Variants in GPHN observed in about 807,000 individuals in gnomAD.
GPHN encodes gephyrin.
In GPHN, 17 loss-of-function variants were observed where a neutral mutation model predicts 95.5. That is an observed-to-expected ratio of 0.18 (90% CI 0.12 to 0.27). The LOEUF (loss-of-function observed/expected upper bound fraction) is 0.27, where lower values mean the gene tolerates loss of function less well. GPHN is among the 10% of genes least tolerant of loss of function. The pLI, the probability that GPHN is intolerant of heterozygous loss-of-function variation, is 1.00. For missense variants in GPHN, 660 were observed against 978.1 expected (o/e 0.67, Z 4.34); for synonymous variants, 320 against 322.5 (o/e 0.99, Z 0.08).
chr14:67,656,683 A>G, the GPHN span: 1 of 1,312,290 alleles, frequency 7.6e-7, no homozygotes, highest in Non-Finnish European at 1.0e-6. Context: ...TAGAAGGGAT[A>G]TAGTGAGCAA....
chr14:66,585,410 T>G (rs2061379478), intron 1 of GPHN, among the ~76,000 whole-genome samples: 1 of 152,162 alleles, frequency 6.6e-6, no homozygotes, highest in Non-Finnish European at 1.5e-5. Context: ...CTGATCTTAT[T>G]TATTTCTTGC....
chr14:66,786,447 A>T (rs142845962), intron 3 of GPHN, among the ~76,000 whole-genome samples: 12 of 152,162 alleles, frequency 7.9e-5, no homozygotes, highest in African/African-American at 2.9e-4. Flanking sequence ...TTCACTGGAG[A>T]ATTCTACCAA....
chr14:67,045,447 GTCTCTGTCTC>G (rs1306344701), intron 10 of GPHN, among the ~76,000 whole-genome samples: 2 of 146,804 alleles, frequency 1.4e-5, no homozygotes, highest in African/African-American at 5.1e-5. Context: ...GTCTCTCTCT[GTCTCTGTCTC>G]TCTCTGTCTC....
At chr14:67,500,458 A>G in the GPHN span, among the ~76,000 whole-genome samples, 1 of 152,152 alleles carries the variant, frequency 6.6e-6, no homozygotes, top group South Asian at 2.1e-4. Context: ...CAGGGCAACA[A>G]GAGTGACACT....
intron 9 of GPHN, among the ~76,000 whole-genome samples, chr14:67,007,477 T>A (rs1222166622): frequency 6.6e-6 from 1 of 152,236 alleles, no homozygotes; most frequent in Non-Finnish European, 1.5e-5. Flanking sequence ...ATATCAAGTT[T>A]ATCTATAACT....
chr14:67,633,503 C>T, the GPHN span, among the ~76,000 whole-genome samples: 2 of 152,304 alleles, frequency 1.3e-5, no homozygotes, highest in South Asian at 4.1e-4. Flanking sequence ...GTCAACATAT[C>T]CCAAACTGAC....
At chr14:67,406,381 T>C in the GPHN span, among the ~76,000 whole-genome samples, 2 of 152,132 alleles carry the variant, frequency 1.3e-5, no homozygotes, top group African/African-American at 4.8e-5. Context: ...GTTAGGTACA[T>C]TCCCAGGAGT....
chr14:67,343,279 C>A, the GPHN span: 1 of 890,190 alleles, frequency 1.1e-6, no homozygotes, highest in African/African-American at 1.7e-5. Flanking sequence ...ATTCATCTTT[C>A]AGTCTTCAGT....
intron 11 of GPHN, among the ~76,000 whole-genome samples, 198 bp from the exon 12 acceptor site, chr14:67,088,785 T>G (rs996003934): frequency 6.6e-6 from 1 of 152,204 alleles, no homozygotes; most frequent in Non-Finnish European, 1.5e-5. Flanking sequence ...TTGCCATGAA[T>G]TGACTGAGTA....
the GPHN span, chr14:67,392,720 A>G: frequency 6.2e-7 from 1 of 1,614,194 alleles, no homozygotes; most frequent in South Asian, 1.1e-5. Flanking sequence ...CCCAGAGCGA[A>G]TGGCTCCCAT....
At chr14:66,694,273 A>T (rs1038997387) in intron 2 of GPHN, among the ~76,000 whole-genome samples, 1 of 152,128 alleles carries the variant, frequency 6.6e-6, no homozygotes, top group East Asian at 1.9e-4. Flanking sequence ...ACATCTATCA[A>T]TCAGGAAGTA....
At chr14:67,167,937 T>G (rs546151125) in intron 20 of GPHN, among the ~76,000 whole-genome samples, 2 of 152,314 alleles carry the variant, frequency 1.3e-5, no homozygotes, top group African/African-American at 4.8e-5. Flanking sequence ...CCACCCTTCC[T>G]CCTTTGAAGT....
intron 2 of GPHN, among the ~76,000 whole-genome samples, chr14:66,743,572 T>TAA (rs201025629): frequency 3.3e-5 from 5 of 150,548 alleles, no homozygotes; most frequent in Non-Finnish European, 7.4e-5. Context: ...CCTTCTCTAG[T>TAA]AAAAAAAAAT....
chr14:66,582,077 A>G (rs2061203224), intron 1 of GPHN, among the ~76,000 whole-genome samples: 1 of 152,080 alleles, frequency 6.6e-6, no homozygotes, highest in African/African-American at 2.4e-5. Context: ...CAGTAGCAGA[A>G]TCCACATTTT....
At chr14:66,749,686 G>C (rs1336171775) in intron 2 of GPHN, among the ~76,000 whole-genome samples, 1 of 151,852 alleles carries the variant, frequency 6.6e-6, no homozygotes, top group East Asian at 1.9e-4. Flanking sequence ...TTTTTCAATA[G>C]AGTTGTTCAT....
chr14:66,755,111 A>G (rs762621745), intron 2 of GPHN, among the ~76,000 whole-genome samples: 8 of 152,018 alleles, frequency 5.3e-5, no homozygotes, highest in Non-Finnish European at 1.0e-4. Flanking sequence ...AAACAATGCT[A>G]TTGGCTGGTG....
At chr14:67,314,979 G>A in the GPHN span, among the ~76,000 whole-genome samples, 3 of 152,002 alleles carry the variant, frequency 2.0e-5, no homozygotes, top group East Asian at 1.9e-4. Flanking sequence ...ATGGTGGTGC[G>A]TACCTGTAGT....
chr14:67,079,128 A>G (rs933650407), intron 11 of GPHN, among the ~76,000 whole-genome samples: 1 of 152,100 alleles, frequency 6.6e-6, no homozygotes, highest in Non-Finnish European at 1.5e-5. Context: ...TGCTATAAAT[A>G]TGACTTTCCT....
intron 1 of GPHN, among the ~76,000 whole-genome samples, chr14:66,529,842 T>C (rs1594836977): frequency 6.6e-6 from 1 of 152,266 alleles, no homozygotes; most frequent in Non-Finnish European, 1.5e-5. Context: ...CTCTGGAAGC[T>C]TCATCCCAGA....
Sources: gnomAD v4.1 joint callset for allele counts (sites outside exome capture counted in the v4.1 genomes callset) on GRCh38, gnomAD v4.1.1 for gene constraint, MANE v1.5 for transcripts, NCBI Gene and HGNC (gene_info 2026-07-23, HGNC 2026-07-21) for gene names.